SPTBN1: variants seen among roughly 807,000 people sequenced by gnomAD.
SPTBN1 encodes spectrin beta chain, non-erythrocytic 1.
In SPTBN1, 32 loss-of-function variants were observed where a neutral mutation model predicts 266.4. The ratio of observed to expected loss-of-function variants is 0.12; its 90% CI spans 0.09 to 0.16. The LOEUF is 0.16. Among genes scored for constraint, SPTBN1 ranks in the 10% least tolerant of loss-of-function variants. The pLI is 1.00. For missense variants in SPTBN1, 2,296 were observed against 3,067.1 expected, an observed-to-expected ratio of 0.75 and a Z score of 5.94; for synonymous variants, 1,336 against 1,162.2, an observed-to-expected ratio of 1.15 and a Z score of -3.04.
At position 54,671,098 on chromosome 2, in the gene SPTBN1, A is replaced by G. The variant is rs1429290100; in HGVS notation, c.*2529A>G. ...TGGCCCCTCCATAAATCTGAAGAGT[A>G]AGAAGTAGTGAAAATAAGGCTTAGG... On this transcript the variant is annotated 3_prime_UTR_variant, in exon 36 of 36. Transcript: ENST00000356805. 6.6e-6 allele frequency: 2 copies of G among 301,934 alleles called. No individual in the cohort carries two copies. Among genetic ancestry groups the G allele is most frequent in the Non-Finnish European group, 1.2e-5 (2 of 165,648 alleles). The allele number at this position is 301,934 out of a possible 1,614,324, so 18.7% of individuals were successfully genotyped here. A position where few individuals can be genotyped will look rare whatever the true frequency, so the allele number is the denominator to read the frequency against.
intron 32 of SPTBN1, chr2:54,660,439 G>A: frequency 9.6e-7 from 1 of 1,040,840 alleles, no homozygotes; most frequent in African/African-American, 1.7e-5. Flanking sequence ...ACAGGGCACA[G>A]TACTGTGCTA....
chr2:54,631,553 A>T lies in SPTBN1; in HGVS notation c.3506A>T (p.His1169Leu). The change falls in exon 16 of 36, where the codon CAT becomes CTT. Residue 1169 changes from histidine (H) to leucine (L), a missense_variant. Transcript: ENST00000356805. Reference sequence around the variant, plus strand: ...AGACAAAATCTCCTATCCCAGTCACATGCCTACCAGCAGTTCCTCAGAGAC... The same window carrying T: ...AGACAAAATCTCCTATCCCAGTCACTTGCCTACCAGCAGTTCCTCAGAGAC... Reference protein sequence around the residue: ...ENRQNLLSQSHAYQQFLRDTK... With the variant: ...ENRQNLLSQSLAYQQFLRDTK... 2 of 1,614,154 alleles carry T rather than the reference A, an allele frequency of 1.2e-6. No individual in the cohort carries two copies. Among genetic ancestry groups the T allele is most frequent in the Middle Eastern group, 1.6e-4 (1 of 6,062 alleles).
intron 2 of SPTBN1, among the ~76,000 whole-genome samples, chr2:54,581,238 A>T (rs1264797648): frequency 6.6e-6 from 1 of 152,240 alleles, no homozygotes; most frequent in African/African-American, 2.4e-5. Flanking sequence ...TTTAATGATA[A>T]TACAAGTGTA....
chr2:54,655,219 A>T lies in SPTBN1; in HGVS notation c.5961+11A>T. ...TATGCATCTGAGGAGGTAGGTTGCT[A>T]CTTTGCTTTGGAGCTGCAGCTGGCG... is the stretch of plus-strand genomic sequence containing the variant. On this transcript the variant is annotated intron_variant, in intron 28 of 35. Coordinates refer to ENST00000356805, the MANE Select transcript of SPTBN1 (RefSeq NM_003128.3). 6.2e-7 allele frequency: 1 copy of T among 1,610,302 alleles called. No homozygotes were observed. The highest frequency in any genetic ancestry group is 1.3e-5 in the African/African-American group (1 of 74,922).
At chr2:54,662,377 GT>G (rs1681105420) in intron 32 of SPTBN1, 1 of 972,302 alleles carries the variant, frequency 1.0e-6, no homozygotes, top group Non-Finnish European at 1.2e-6. Context: ...CTGGTTTGGG[GT>G]TTTCTCTTTC....
rs540977934 is a variant in SPTBN1 at position 54,478,496 on chromosome 2, G to C, written c.-48+21978G>C. On this transcript the variant is annotated intron_variant, in intron 1 of 35. Transcript: ENST00000356805. ...AGGATCATAGAATTGGAAGTTTTGG[G>C]TCTGGGCCGAACCCTGTAGATCTTA... Among the ~76,000 whole-genome samples, 22 of 152,234 alleles carry C rather than the reference G, an allele frequency of 1.4e-4. No homozygotes were observed. In the Middle Eastern group the frequency reaches 0.014, roughly 94 times the overall value.
chr2:54,561,073 TTCTGAGTA>T (rs1201771106), intron 2 of SPTBN1, among the ~76,000 whole-genome samples: 2 of 152,252 alleles, frequency 1.3e-5, no homozygotes, highest in Non-Finnish European at 1.5e-5. Context: ...TTTTTTACTC[TTCTGAGTA>T]TAATCTTTCC....
chr2:54,618,325 A>G (rs1677760138), intron 7 of SPTBN1, 132 bp downstream of exon 7: 7 of 742,354 alleles, frequency 9.4e-6, no homozygotes, highest in African/African-American at 3.6e-5. Context: ...GGTTATGGGA[A>G]TTTTTTGAGG....
intron 2 of SPTBN1, among the ~76,000 whole-genome samples, chr2:54,556,870 C>T (rs1219491179): frequency 6.6e-6 from 1 of 152,166 alleles, no homozygotes; most frequent in South Asian, 2.1e-4. Context: ...AGGGTTTCTT[C>T]TAAGGTCATA....
chr2:54,479,095 G>T (rs1667983808), intron 1 of SPTBN1, among the ~76,000 whole-genome samples: 1 of 152,174 alleles, frequency 6.6e-6, no homozygotes, highest in South Asian at 2.1e-4. Flanking sequence ...AAAAGATCTG[G>T]TTAAATATTT....
chr2:54,631,352 C>T lies in SPTBN1; in HGVS notation c.3305C>T (p.Thr1102Met), dbSNP rs140653223. Reference sequence around the variant, plus strand: ...CTGACCGAGGCTGAGAAGCTGCTCACGCAGCACGAGAACATCAAGAACGAG... The same window carrying T: ...CTGACCGAGGCTGAGAAGCTGCTCATGCAGCACGAGAACATCAAGAACGAG... ...NTLTEAEKLL[T>M]QHENIKNEID... Residue 1102 changes from threonine (T) to methionine (M), a missense_variant, in exon 16 of 36, where the codon ACG becomes ATG. Coordinates refer to ENST00000356805, the MANE Select transcript of SPTBN1 (RefSeq NM_003128.3). The T allele has an allele frequency of 4.3e-6, 7 of 1,614,132 alleles. No individual in the cohort carries two copies. Among genetic ancestry groups the T allele is most frequent in the African/African-American group, 2.7e-5 (2 of 74,942 alleles).
intron 1 of SPTBN1, among the ~76,000 whole-genome samples, chr2:54,503,250 A>G (rs1279555660): frequency 2.0e-5 from 3 of 152,212 alleles, no homozygotes; most frequent in African/African-American, 4.8e-5. Context: ...TATGAACACA[A>G]TTCTCATGGG....
intron 18 of SPTBN1, among the ~76,000 whole-genome samples, chr2:54,641,806 A>G (rs745351003): frequency 3.3e-5 from 5 of 152,112 alleles, no homozygotes; most frequent in Non-Finnish European, 7.3e-5. Context: ...CCAAAAAACA[A>G]ATCTCGGGGA....
chr2:54,650,591 C>T (rs1572755094), intron 26 of SPTBN1, among the ~76,000 whole-genome samples: 1 of 152,022 alleles, frequency 6.6e-6, no homozygotes, highest in African/African-American at 2.4e-5. Context: ...GTTTCATGGC[C>T]CTAGAGAAGA....
At position 54,558,823 on chromosome 2, in the gene SPTBN1, G is replaced by C. The variant is rs759115850; in HGVS notation, c.148+32257G>C. 3 of 1,613,866 alleles carry C rather than the reference G, an allele frequency of 1.9e-6. No homozygotes were observed. The highest frequency in any genetic ancestry group is 2.5e-6 in the Non-Finnish European group (3 of 1,179,826). ...CTAGTATCTCCGGGCCGCTGTCGCC[G>C]GCGTACACGGGGCAGGTGCCTTACA... On this transcript the variant is annotated intron_variant, in intron 2 of 35. Transcript: ENST00000356805. The surrounding 1 kb of genome is among the most constrained non-coding windows in gnomAD (Gnocchi z 4.6).
intron 2 of SPTBN1, among the ~76,000 whole-genome samples, chr2:54,547,094 C>T (rs1026740983): frequency 6.6e-6 from 1 of 151,976 alleles, no homozygotes; most frequent in African/African-American, 2.4e-5. Flanking sequence ...AAAACTGAAA[C>T]TCTACACCCA....
chr2:54,574,178 T>C (rs946385761), intron 2 of SPTBN1, among the ~76,000 whole-genome samples: 10 of 152,028 alleles, frequency 6.6e-5, no homozygotes, highest in African/African-American at 1.9e-4. Context: ...ATTTATGACA[T>C]ACATTATCTA....
At position 54,533,751 on chromosome 2, in the gene SPTBN1, A is replaced by T. The variant is rs111350349; in HGVS notation, c.148+7185A>T. 6.6e-6 allele frequency among the ~76,000 whole-genome samples: 1 copy of T among 152,094 alleles called. No homozygotes were observed. The highest frequency in any genetic ancestry group is 1.5e-5 in the Non-Finnish European group (1 of 68,020). On this transcript the variant is annotated intron_variant, in intron 2 of 35. Coordinates refer to ENST00000356805, the MANE Select transcript of SPTBN1 (RefSeq NM_003128.3). The surrounding 1 kb of genome is among the most constrained non-coding windows in gnomAD (Gnocchi z 4.2). ...TTTTTAGTAGAGACGGGGTTTCACCATGTTGGCCAGGCTGGTCTCGAACTC... is the reference window on the plus strand; with the variant it reads ...TTTTTAGTAGAGACGGGGTTTCACCTTGTTGGCCAGGCTGGTCTCGAACTC...
At chr2:54,592,692 T>G (rs193228483) in intron 2 of SPTBN1, among the ~76,000 whole-genome samples, 1 of 152,316 alleles carries the variant, frequency 6.6e-6, no homozygotes, top group Non-Finnish European at 1.5e-5. Context: ...CCCAGCTACC[T>G]CATCCTTTTT....
Sources: gnomAD v4.1 joint callset for allele counts (sites outside exome capture counted in the v4.1 genomes callset) on GRCh38, gnomAD v4.1.1 for gene constraint, Gnocchi (gnomAD v3.1) non-coding constraint, MANE v1.5 for transcripts, NCBI Gene and HGNC (gene_info 2026-07-23, HGNC 2026-07-21) for gene names.